JAM3: variants seen among roughly 807,000 people sequenced by gnomAD.
The protein encoded by JAM3 is junctional adhesion molecule C.
A neutral mutation model predicts 39.4 loss-of-function variants in JAM3; 31 were observed. The observed-to-expected ratio is 0.79, with a 90% confidence interval of 0.59 to 1.06. The LOEUF is 1.06. Among genes scored for constraint, JAM3 ranks in the 50% least tolerant of loss-of-function variants. The probability of loss-of-function intolerance (pLI) is 0.00; values close to 1 mark genes in which losing one functional copy is unlikely to be tolerated. For synonymous variants in JAM3, 182 were observed against 148.7 expected, an observed-to-expected ratio of 1.22 and a Z score of -1.63; for missense variants, 455 against 391.4, an observed-to-expected ratio of 1.16 and a Z score of -1.37.
At chr11:134,082,004 G>A (rs562195611) in intron 1 of JAM3, among the ~76,000 whole-genome samples, 2 of 152,362 alleles carry the variant, frequency 1.3e-5, no homozygotes, top group South Asian at 4.1e-4. Flanking sequence ...TTTAAGATTT[G>A]ACTGCCTTGT....
At chr11:134,113,221 T>C (rs1942351840) in intron 1 of JAM3, among the ~76,000 whole-genome samples, 1 of 151,868 alleles carries the variant, frequency 6.6e-6, no homozygotes, top group East Asian at 1.9e-4. Flanking sequence ...TTTAATACTT[T>C]AAGGGTACAT....
intron 1 of JAM3, among the ~76,000 whole-genome samples, chr11:134,125,525 G>T (rs1175307032): frequency 2.0e-5 from 3 of 152,164 alleles, no homozygotes; most frequent in Admixed American, 2.0e-4. Context: ...AAGAAGTAGG[G>T]AGTAAGAGGC....
intron 1 of JAM3, among the ~76,000 whole-genome samples, chr11:134,112,648 A>T (rs574367534): frequency 6.6e-6 from 1 of 152,282 alleles, no homozygotes; most frequent in African/African-American, 2.4e-5. Context: ...CAATCCTATG[A>T]GGTAGGTACT....
rs1489593681 is a variant in JAM3 at position 134,150,410 on chromosome 11, T to C, written c.*1229T>C. ...CTGGGGTTGCGCCAGGCGCCCCCGCTCTAGCTCACTGTTGCCTCGCTGTCT... is the reference window on the plus strand; with the variant it reads ...CTGGGGTTGCGCCAGGCGCCCCCGCCCTAGCTCACTGTTGCCTCGCTGTCT... On this transcript the variant is annotated 3_prime_UTR_variant, in exon 9 of 9. Coordinates refer to ENST00000299106, the MANE Select transcript of JAM3 (RefSeq NM_032801.5). 6.6e-6 allele frequency: 1 copy of C among 152,392 alleles called. No homozygotes were observed. Among genetic ancestry groups the C allele is most frequent in the East Asian group, 1.9e-4 (1 of 5,186 alleles). The allele number at this position is 152,392 out of a possible 1,614,324, so 9.4% of individuals were successfully genotyped here.
chr11:134,070,346 T>C, intron 1 of JAM3: 2 of 397,096 alleles, frequency 5.0e-6, no homozygotes. Flanking sequence ...TGTCATCCCA[T>C]GATGTTTTCC....
intron 1 of JAM3, among the ~76,000 whole-genome samples, chr11:134,104,539 A>C (rs541627063): frequency 6.6e-6 from 1 of 152,254 alleles, no homozygotes; most frequent in South Asian, 2.1e-4. Context: ...GAGATACAAA[A>C]AACCCTTCAA....
At chr11:134,112,994 C>A (rs946813530) in intron 1 of JAM3, among the ~76,000 whole-genome samples, 1 of 152,154 alleles carries the variant, frequency 6.6e-6, no homozygotes, top group African/African-American at 2.4e-5. Context: ...GCAAGGTCAT[C>A]AACAGAGCAC....
At chr11:134,101,870 T>C (rs1189395365) in intron 1 of JAM3, among the ~76,000 whole-genome samples, 1 of 152,088 alleles carries the variant, frequency 6.6e-6, no homozygotes, top group Non-Finnish European at 1.5e-5. Context: ...AGTTTGAGAC[T>C]AGCTTGGGCA....
intron 1 of JAM3, among the ~76,000 whole-genome samples, chr11:134,091,000 C>T (rs1361201464): frequency 6.6e-6 from 1 of 152,152 alleles, no homozygotes; most frequent in African/African-American, 2.4e-5. Context: ...TTGTAAACTA[C>T]CTTAAGCTAA....
At chr11:134,118,425 T>G (rs1942476906) in intron 1 of JAM3, among the ~76,000 whole-genome samples, 1 of 152,190 alleles carries the variant, frequency 6.6e-6, no homozygotes, top group African/African-American at 2.4e-5. Context: ...AGCCAAGTGC[T>G]GTACAGTTCC....
Position 134,150,769 on chromosome 11 carries a change from CAGAG to C in JAM3, c.*1590_*1593del, listed in dbSNP as rs1180788109. On this transcript the variant is annotated 3_prime_UTR_variant, in exon 9 of 9. Coordinates refer to ENST00000299106, the MANE Select transcript of JAM3 (RefSeq NM_032801.5). ...TGGATCCCACTGTTCCTCTTTGCCA[CAGAG>C]AAAGCACCCAGACGCCACAGGCTCT... 1.3e-5 allele frequency: 2 copies of C among 152,074 alleles called. No individual in the cohort carries two copies. Among genetic ancestry groups the C allele is most frequent in the Non-Finnish European group, 2.9e-5 (2 of 68,028 alleles). The allele number at this position is 152,074 out of a possible 1,614,324, so 9.4% of individuals were successfully genotyped here. A position where few individuals can be genotyped will look rare whatever the true frequency, so the allele number is the denominator to read the frequency against.
intron 1 of JAM3, 71 bp downstream of exon 1, chr11:134,069,230 G>T: frequency 1.9e-6 from 3 of 1,554,772 alleles, no homozygotes; most frequent in South Asian, 2.3e-5. Context: ...GGCCGAAGCT[G>T]CTGGAGCCGG....
intron 1 of JAM3, among the ~76,000 whole-genome samples, chr11:134,082,589 C>T (rs1941684990): frequency 6.6e-6 from 1 of 152,128 alleles, no homozygotes; most frequent in Non-Finnish European, 1.5e-5. Flanking sequence ...TATACAAGCT[C>T]TTCTCTTGTC....
At chr11:134,118,844 C>T (rs919186373) in intron 1 of JAM3, among the ~76,000 whole-genome samples, 32 of 152,208 alleles carry the variant, frequency 2.1e-4, no homozygotes, top group African/African-American at 7.5e-4. Context: ...GAGATGAGAG[C>T]GGGGTTGGTT....
intron 1 of JAM3, among the ~76,000 whole-genome samples, chr11:134,090,791 T>TA (rs139866287): frequency 0.044 from 6,653 of 151,686 alleles, 336 homozygotes; most frequent in East Asian, 0.25. Context: ...GTAAGATGAT[T>TA]AAAAAAAAAT....
chr11:134,097,112 A>T (rs1011234677), intron 1 of JAM3, among the ~76,000 whole-genome samples: 4 of 151,906 alleles, frequency 2.6e-5, no homozygotes, highest in Non-Finnish European at 5.9e-5. Context: ...TGTCCCCTCC[A>T]CACCCCATCC....
chr11:134,069,277 C>T, intron 1 of JAM3, 118 bp downstream of exon 1: 1 of 1,371,748 alleles, frequency 7.3e-7, no homozygotes, highest in South Asian at 1.3e-5. Context: ...CCGAGGGCTC[C>T]CGGGGTCCCG....
chr11:134,149,577 G>A lies in JAM3; in HGVS notation c.*396G>A, dbSNP rs1230120520. On this transcript the variant is annotated 3_prime_UTR_variant, in exon 9 of 9. Transcript: ENST00000299106. ...CAGCCACGACAGCACCATGTGAGATGGCGAGGTGGCTGGACAGCACCAGCA... is the reference window on the plus strand; with the variant it reads ...CAGCCACGACAGCACCATGTGAGATAGCGAGGTGGCTGGACAGCACCAGCA... 2.1e-6 allele frequency: 1 copy of A among 474,812 alleles called. No homozygotes were observed. Among genetic ancestry groups the A allele is most frequent in the African/African-American group, 2.0e-5 (1 of 51,054 alleles). The allele number at this position is 474,812 out of a possible 1,614,324, so 29.4% of individuals were successfully genotyped here.
intron 1 of JAM3, among the ~76,000 whole-genome samples, chr11:134,106,298 A>G (rs1240194290): frequency 6.6e-6 from 1 of 152,084 alleles, no homozygotes; most frequent in Non-Finnish European, 1.5e-5. Flanking sequence ...AGCCATATGT[A>G]GAAAGCTGAA....
Sources: allele counts gnomAD v4.1 joint callset (sites outside exome capture counted in the v4.1 genomes callset), GRCh38; gene constraint gnomAD v4.1.1; transcripts MANE v1.5; gene names NCBI Gene and HGNC (gene_info 2026-07-23, HGNC 2026-07-21).